Variants in TF observed in about 807,000 individuals in gnomAD.
The protein encoded by TF is serotransferrin.
In TF, 55 loss-of-function variants were observed where a neutral mutation model predicts 82.4. The observed-to-expected ratio is 0.67, with a 90% CI of 0.54 to 0.84. The LOEUF (loss-of-function observed/expected upper bound fraction) is 0.84, where lower values mean the gene tolerates loss of function less well. Ranked by LOEUF, TF falls within the 40% of genes least tolerant of loss-of-function variation. The probability of loss-of-function intolerance (pLI) is 0.00; values close to 1 mark genes in which losing one functional copy is unlikely to be tolerated. For missense variants in TF, 737 were observed against 868.4 expected, an observed-to-expected ratio of 0.85 and a Z score of 1.90; for synonymous variants, 332 against 332.6, an observed-to-expected ratio of 1.00 and a Z score of 0.02.
the TF span, among the ~76,000 whole-genome samples, chr3:133,677,468 C>T: frequency 6.6e-6 from 1 of 152,072 alleles, no homozygotes; most frequent in Admixed American, 6.6e-5. Flanking sequence ...GAAACCGTGT[C>T]TCTACTAAAA....
chr3:133,716,983 A>G, the TF span, among the ~76,000 whole-genome samples: 1 of 152,136 alleles, frequency 6.6e-6, no homozygotes, highest in Non-Finnish European at 1.5e-5. Context: ...CATTTTATTT[A>G]GGATTTCTCA....
chr3:133,735,339 CAA>C, the TF span, among the ~76,000 whole-genome samples: 148 of 123,360 alleles, frequency 1.2e-3, no homozygotes, highest in East Asian at 1.4e-3. Context: ...GACTCCATCC[CAA>C]AAAAAAAAAA....
chr3:133,795,454 C>T lies in TF; in HGVS notation c.*16834C>T, dbSNP rs148883475. The T allele has an allele frequency of 5.3e-5, 8 of 152,006 alleles. No homozygotes were observed. Among genetic ancestry groups the T allele is most frequent in the East Asian group, 3.9e-4 (2 of 5,172 alleles). 9.4% of individuals were successfully genotyped at this position (152,006 alleles called of 1,614,324 possible). A position where few individuals can be genotyped will look rare whatever the true frequency, so the allele number is the denominator to read the frequency against. ...GCAGCCATGAGGACACTGTAACCTA[C>T]GAATGATGTGCTGAGTCCAAAAGCC... On this transcript the variant is annotated 3_prime_UTR_variant, in exon 17 of 17. Coordinates refer to ENST00000402696, the MANE Select transcript of TF (RefSeq NM_001063.4).
the TF span, among the ~76,000 whole-genome samples, chr3:133,729,320 G>A: frequency 6.6e-6 from 1 of 152,242 alleles, no homozygotes; most frequent in African/African-American, 2.4e-5. Context: ...CCCAGTTTGA[G>A]CTTCCCAGCT....
At chr3:133,771,759 A>AAAAAAAAAAAAC (rs1934265681) in intron 14 of TF, among the ~76,000 whole-genome samples, 1 of 149,920 alleles carries the variant, frequency 6.7e-6, no homozygotes, top group African/African-American at 2.5e-5. Flanking sequence ...AAAAAAAAAA[A>AAAAAAAAAAAAC]AAAAAAAGAA....
chr3:133,753,913 T>C, intron 3 of TF: 1 of 639,890 alleles, frequency 1.6e-6, no homozygotes, highest in Non-Finnish European at 2.8e-6. Context: ...CTCCTAAAAC[T>C]GAGCCCTGGG....
intron 4 of TF, 122 bp downstream of exon 4, chr3:133,754,793 T>C: frequency 9.1e-7 from 1 of 1,104,020 alleles, no homozygotes; most frequent in Non-Finnish European, 1.4e-6. Flanking sequence ...GGGAAAGAGG[T>C]TAACAGACTT....
At chr3:133,679,890 T>G in the TF span, among the ~76,000 whole-genome samples, 24 of 152,202 alleles carry the variant, frequency 1.6e-4, no homozygotes, top group Non-Finnish European at 2.8e-4. Flanking sequence ...GTTGTGCCAT[T>G]TTACATTCCC....
the TF span, among the ~76,000 whole-genome samples, chr3:133,692,236 T>C: frequency 2.6e-5 from 4 of 152,262 alleles, no homozygotes; most frequent in South Asian, 4.1e-4. Flanking sequence ...GAGGAGAGGT[T>C]TGGGGGAGTC....
chr3:133,726,418 C>A, the TF span, among the ~76,000 whole-genome samples: 1 of 152,094 alleles, frequency 6.6e-6, no homozygotes, highest in African/African-American at 2.4e-5. Context: ...TTATCCATTT[C>A]TTCTAGATTT....
the TF span, among the ~76,000 whole-genome samples, chr3:133,695,947 C>T: frequency 2.6e-5 from 4 of 152,152 alleles, no homozygotes; most frequent in Non-Finnish European, 5.9e-5. Context: ...CAGAGCAGAA[C>T]AGTGCGAAAT....
At chr3:133,725,858 T>C in the TF span, among the ~76,000 whole-genome samples, 2 of 152,246 alleles carry the variant, frequency 1.3e-5, no homozygotes, top group African/African-American at 4.8e-5. Context: ...TGAGAGTTTT[T>C]AGCATGAAGG....
chr3:133,725,518 C>T, the TF span, among the ~76,000 whole-genome samples: 2 of 152,216 alleles, frequency 1.3e-5, no homozygotes, highest in Admixed American at 1.3e-4. Context: ...CATCCTGAGA[C>T]TTTGCTGAAG....
chr3:133,720,360 G>T, the TF span, among the ~76,000 whole-genome samples: 1 of 152,048 alleles, frequency 6.6e-6, no homozygotes, highest in Admixed American at 6.5e-5. Context: ...TAATCATATG[G>T]TTTTTGTCTT....
the TF span, among the ~76,000 whole-genome samples, chr3:133,729,376 C>G: frequency 1.3e-5 from 2 of 152,244 alleles, no homozygotes; most frequent in African/African-American, 2.4e-5. Context: ...GCGCCCCTCC[C>G]CCAGCCTCGC....
intron 13 of TF, among the ~76,000 whole-genome samples, chr3:133,769,691 C>T (rs932171122): frequency 6.6e-6 from 1 of 152,164 alleles, no homozygotes; most frequent in Admixed American, 6.5e-5. Context: ...GATTAAAGTA[C>T]ATGGAGAGCA....
At chr3:133,701,554 G>A in the TF span, among the ~76,000 whole-genome samples, 1 of 152,220 alleles carries the variant, frequency 6.6e-6, no homozygotes, top group African/African-American at 2.4e-5. Context: ...GACACTGGGT[G>A]AGGGGAGAGC....
At chr3:133,704,377 T>C in the TF span, 1 of 214,428 alleles carries the variant, frequency 4.7e-6, no homozygotes, top group Non-Finnish European at 1.0e-5. Flanking sequence ...GCTGTGGGCA[T>C]AGAAAGATGA....
the TF span, chr3:133,691,975 T>C: frequency 6.5e-6 from 1 of 152,800 alleles, no homozygotes; most frequent in Admixed American, 6.5e-5. Flanking sequence ...TCTCTGATGC[T>C]AACTCCTGAG....
Sources: allele counts gnomAD v4.1 joint callset (sites outside exome capture counted in the v4.1 genomes callset), GRCh38; gene constraint gnomAD v4.1.1; transcripts MANE v1.5; gene names NCBI Gene and HGNC (gene_info 2026-07-23, HGNC 2026-07-21).